PCDHGA5: variants seen among roughly 807,000 people sequenced by gnomAD.
PCDHGA5 encodes protocadherin gamma-A5.
Under a neutral mutation model 56.7 loss-of-function variants are expected in PCDHGA5, and 36 were observed. The observed-to-expected ratio is 0.64, with a 90% CI of 0.49 to 0.84. The LOEUF is 0.84. Among genes scored for constraint, PCDHGA5 ranks in the 40% least tolerant of loss-of-function variants. The pLI is 0.00. For missense variants in PCDHGA5, 1,305 were observed against 1,201.5 expected (o/e 1.09, Z -1.27); for synonymous variants, 563 against 520.2 (o/e 1.08, Z -1.12).
In PCDHGA5 at chr5:141,372,016, C is replaced by T. The variant is rs565981965; in HGVS notation, c.2421+5265C>T. 121 of 1,613,374 alleles carry T rather than the reference C, an allele frequency of 7.5e-5. 1 individual carries two copies. The South Asian group carries it at 1.3e-3, about 17-fold the overall frequency. On this transcript the variant is annotated intron_variant, in intron 1 of 3. Coordinates refer to ENST00000518069, the MANE Select transcript of PCDHGA5 (RefSeq NM_018918.3). Reference sequence around the variant, plus strand: ...CAGGCCCGCGACCAGGGCTCGCCTACGCTCAGCGCCAACGTGAGCCTGCGC... The same window carrying T: ...CAGGCCCGCGACCAGGGCTCGCCTATGCTCAGCGCCAACGTGAGCCTGCGC...
intron 1 of PCDHGA5, chr5:141,399,780 A>C (rs1444494014): frequency 6.2e-7 from 1 of 1,613,170 alleles, no homozygotes; most frequent in Non-Finnish European, 8.5e-7. Flanking sequence ...TGGGCGACCG[A>C]AACGACAACG....
chr5:141,413,351 C>A (rs774333807), intron 1 of PCDHGA5: 6 of 1,613,932 alleles, frequency 3.7e-6, no homozygotes, highest in South Asian at 1.1e-5. Flanking sequence ...TTGGGTCTGG[C>A]GCCCCGGGAG....
chr5:141,437,651 CAT>C (rs1255783396), intron 1 of PCDHGA5, among the ~76,000 whole-genome samples: 2 of 151,990 alleles, frequency 1.3e-5, no homozygotes, highest in Non-Finnish European at 2.9e-5. Context: ...AAAGCAAACA[CAT>C]AGTTTCGAAG....
At chr5:141,459,303 T>C (rs1419156629) in intron 1 of PCDHGA5, among the ~76,000 whole-genome samples, 1 of 152,242 alleles carries the variant, frequency 6.6e-6, no homozygotes, top group Non-Finnish European at 1.5e-5. Context: ...CTATAACATA[T>C]ACTATTTTGT....
At chr5:141,413,270 C>T (rs2095621736) in intron 1 of PCDHGA5, 5 of 1,613,924 alleles carry the variant, frequency 3.1e-6, no homozygotes, top group Non-Finnish European at 4.2e-6. Flanking sequence ...GAGGCTGGAG[C>T]CCGGCAGATC....
At chr5:141,430,874 C>A in intron 1 of PCDHGA5, 2 of 1,598,990 alleles carry the variant, frequency 1.3e-6, no homozygotes, top group East Asian at 4.5e-5. Context: ...TCCGGAAGAG[C>A]TGGAGAAAGG....
intron 1 of PCDHGA5, chr5:141,410,428 C>A (rs376561050): frequency 5.0e-6 from 8 of 1,613,906 alleles, no homozygotes; most frequent in African/African-American, 1.3e-5. Flanking sequence ...TTCCCCCCAA[C>A]TACAGTGAGG....
At chr5:141,460,488 T>C (rs1226287742) in intron 1 of PCDHGA5, among the ~76,000 whole-genome samples, 1 of 152,186 alleles carries the variant, frequency 6.6e-6, no homozygotes, top group Admixed American at 6.6e-5. Flanking sequence ...ATTGTCTCTT[T>C]GGAAAAATAT....
chr5:141,408,201 C>T (rs1036342508), intron 1 of PCDHGA5: 4 of 1,548,914 alleles, frequency 2.6e-6, no homozygotes, highest in South Asian at 2.4e-5. Flanking sequence ...CCCGAGCGAA[C>T]GATGGGAGGG....
At chr5:141,434,785 T>A (rs7727021) in intron 1 of PCDHGA5, among the ~76,000 whole-genome samples, 45,585 of 150,884 alleles carry the variant, frequency 0.3, 8,100 homozygotes, top group African/African-American at 0.51. Context: ...AAAAAAAAAA[T>A]TTTTTTTTCT....
At chr5:141,433,264 G>T in intron 1 of PCDHGA5, 1 of 1,314,872 alleles carries the variant, frequency 7.6e-7, no homozygotes, top group South Asian at 1.4e-5. Flanking sequence ...TACGATCATA[G>T]CTCACTGCAG....
At chr5:141,378,150 T>C (rs915126320) in intron 1 of PCDHGA5, 8 of 152,250 alleles carry the variant, frequency 5.3e-5, no homozygotes, top group African/African-American at 1.7e-4. Flanking sequence ...ATTATAATTA[T>C]TGGGTTGTTA....
At chr5:141,420,334 T>A in intron 1 of PCDHGA5, 1 of 1,402,910 alleles carries the variant, frequency 7.1e-7, no homozygotes, top group Non-Finnish European at 9.5e-7. Context: ...TATATTCCAA[T>A]ATAGTGGTAT....
chr5:141,469,500 G>A (rs1471801110), intron 1 of PCDHGA5, among the ~76,000 whole-genome samples: 4 of 151,914 alleles, frequency 2.6e-5, no homozygotes, highest in South Asian at 2.1e-4. Flanking sequence ...GCTTGAACCC[G>A]GGAGGTGGAG....
rs1307942270 is a variant in PCDHGA5 at position 141,388,326 on chromosome 5, C to A, written c.2421+21575C>A. ...GCTGCAAATAAGTGAGTCTGCACAG[C>A]CTGGCACACGATTTATATTAGGATC... On this transcript the variant is annotated intron_variant, in intron 1 of 3. Transcript: ENST00000518069. 3.7e-6 allele frequency: 6 copies of A among 1,613,760 alleles called. No homozygotes were observed. The highest frequency in any genetic ancestry group is 5.1e-6 in the Non-Finnish European group (6 of 1,179,866).
At position 141,366,088 on chromosome 5, in the gene PCDHGA5, C is replaced by G. The variant is rs752144187; in HGVS notation, c.1758C>G (p.Tyr586Ter). ...CGCCTCGCTCCGCAGAACCTGGCTA[C>G]CTGGTGACCAAGGTGGTAGCGGTGG... Reference protein sequence around the residue: ...ELAPRSAEPGYLVTKVVAVDK... With the variant: ...ELAPRSAEPG Residue 586 changes from tyrosine (Y) to a stop codon, truncating the protein, a stop_gained, in exon 1 of 4, where the codon TAC becomes TAG. Transcript: ENST00000518069. LOFTEE classifies it high-confidence loss of function. 1.2e-6 allele frequency: 2 copies of G among 1,614,256 alleles called. No homozygotes were observed. Among genetic ancestry groups the G allele is most frequent in the South Asian group, 2.2e-5 (2 of 91,092 alleles).
intron 1 of PCDHGA5, chr5:141,393,317 G>C (rs927337267): frequency 6.2e-7 from 1 of 1,612,904 alleles, no homozygotes; most frequent in South Asian, 1.1e-5. Flanking sequence ...ACTCCCTCCA[G>C]AGCTACCAGC....
At position 141,365,950 on chromosome 5, in the gene PCDHGA5, T is replaced by C. The variant is rs376201402; in HGVS notation, c.1620T>C (p.Pro540=). The change falls in exon 1 of 4, where the codon CCT becomes CCC. Residue 540 remains proline (P), a synonymous_variant. Coordinates refer to ENST00000518069, the MANE Select transcript of PCDHGA5 (RefSeq NM_018918.3). Reference sequence around the variant, plus strand: ...TGACAGCCAGCGACAGTGGGAACCCTCCACTTAGCAGCAACGTGTCGCTGA... The same window carrying C: ...TGACAGCCAGCGACAGTGGGAACCCCCCACTTAGCAGCAACGTGTCGCTGA... ...LWVTASDSGN[P]PLSSNVSLSL... The C allele has an allele frequency of 2.5e-6, 4 of 1,614,078 alleles. No individual in the cohort carries two copies. In the African/African-American group the frequency reaches 5.3e-5, roughly 22 times the overall value.
intron 1 of PCDHGA5, chr5:141,410,024 G>A (rs771946302): frequency 1.9e-6 from 3 of 1,613,164 alleles, no homozygotes; most frequent in South Asian, 1.1e-5. Context: ...GTCCTACCAC[G>A]TGCTGCAGGC....
Sources: gnomAD v4.1 joint callset for allele counts (sites outside exome capture counted in the v4.1 genomes callset) on GRCh38, gnomAD v4.1.1 for gene constraint, MANE v1.5 for transcripts, NCBI Gene and HGNC (gene_info 2026-07-23, HGNC 2026-07-21) for gene names.